Variants in ECE2 observed in about 807,000 individuals in gnomAD.
ECE2 encodes endothelin-converting enzyme 2.
A neutral mutation model predicts 100.6 loss-of-function variants in ECE2; 81 were observed. The observed-to-expected ratio is 0.81, with a 90% CI of 0.67 to 0.97. ECE2 has a LOEUF of 0.97. Among genes scored for constraint, ECE2 ranks in the 50% least tolerant of loss-of-function variants. The pLI, the probability that ECE2 is intolerant of heterozygous loss-of-function variation, is 0.00. For missense variants in ECE2, 911 were observed against 988.1 expected (o/e 0.92, Z 1.05); for synonymous variants, 391 against 391.5 (o/e 1.00, Z 0.02).
At chr3:184,288,024 A>G in intron 11 of ECE2, 77 bp downstream of exon 11, 1 of 1,410,114 alleles carries the variant, frequency 7.1e-7, no homozygotes, top group East Asian at 2.4e-5. Flanking sequence ...TAGAAAAACA[A>G]CGGGAGCCAG....
intron 7 of ECE2, 164 bp downstream of exon 7, chr3:184,278,721 TCCCTTTCTTC>T: frequency 1.5e-6 from 1 of 663,650 alleles, no homozygotes. Context: ...CCTCCCTCCC[TCCCTTTCTTC>T]CCCTTTTCCT....
chr3:184,285,675 TCATG>T, intron 10 of ECE2, 83 bp downstream of exon 10: 1 of 1,039,074 alleles, frequency 9.6e-7, no homozygotes, highest in Non-Finnish European at 1.5e-6. Flanking sequence ...ACCATGTGCC[TCATG>T]GTGCACAGGT....
At position 184,291,758 on chromosome 3, in the gene ECE2, A is replaced by G. The variant is rs1172750166; in HGVS notation, c.2122-304A>G. ...CTCACGCTGTTCCTGTGAGGGAGAC[A>G]TGCAGGAAACGAAAGCTCGGGACGC... is the stretch of plus-strand genomic sequence containing the variant. On this transcript the variant is annotated intron_variant, in intron 18 of 18. Coordinates refer to ENST00000404464, the MANE Select transcript of ECE2 (RefSeq NM_001100121.2). The surrounding 1 kb of genome is among the most constrained non-coding windows in gnomAD (Gnocchi z 4.1). The G allele has an allele frequency of 1.9e-6, 1 of 515,048 alleles. No individual in the cohort carries two copies. Among genetic ancestry groups the G allele is most frequent in the Non-Finnish European group, 3.4e-6 (1 of 290,566 alleles). 31.9% of individuals were successfully genotyped at this position (515,048 alleles called of 1,614,324 possible).
chr3:184,278,476 T>C lies in ECE2; in HGVS notation c.751-16T>C, dbSNP rs1720672515. 1 of 1,613,348 alleles carries C rather than the reference T, an allele frequency of 6.2e-7. No individual in the cohort carries two copies. Among genetic ancestry groups the C allele is most frequent in the Non-Finnish European group, 8.5e-7 (1 of 1,179,682 alleles). On this transcript the variant is annotated splice_polypyrimidine_tract_variant and intron_variant, in intron 6 of 18. Coordinates refer to ENST00000404464, the MANE Select transcript of ECE2 (RefSeq NM_001100121.2). Reference sequence around the variant, plus strand: ...GGGGAAAGCGAGGGGCTCACCTCCTTTCCTTGACATTGCAGGTGGACCAGT... The same window carrying C: ...GGGGAAAGCGAGGGGCTCACCTCCTCTCCTTGACATTGCAGGTGGACCAGT...
At chr3:184,290,762 A>G in intron 15 of ECE2, 31 bp from the exon 16 acceptor site, 1 of 1,613,902 alleles carries the variant, frequency 6.2e-7, no homozygotes, top group Non-Finnish European at 8.5e-7. Context: ...TACCCCCGCC[A>G]TGTCCTCACT....
chr3:184,285,444 C>A, intron 9 of ECE2, 34 bp from the exon 10 acceptor site: 1 of 1,504,950 alleles, frequency 6.6e-7, no homozygotes, highest in South Asian at 1.1e-5. Context: ...GGCATCCCAC[C>A]TGCCCTTTTC....
chr3:184,292,146 G>C lies in ECE2; in HGVS notation c.2206G>C (p.Gly736Arg), dbSNP rs761789060. Residue 736 changes from glycine to arginine, a missense_variant, in exon 19 of 19, where the codon GGC becomes CGC. Gly to Arg is a moderately radical substitution (Grantham distance 125, BLOSUM62 -2). Coordinates refer to ENST00000404464, the MANE Select transcript of ECE2 (RefSeq NM_001100121.2). ...PHSPARFRVL[G>R]TLSNSRDFLR... Reference sequence around the variant, plus strand: ...CAGCCCTGCCCGCTTCCGCGTGCTGGGCACTCTCTCCAACTCCCGTGACTT... The same window carrying C: ...CAGCCCTGCCCGCTTCCGCGTGCTGCGCACTCTCTCCAACTCCCGTGACTT... 7.4e-6 allele frequency: 12 copies of C among 1,613,950 alleles called. No individual in the cohort carries two copies. The highest frequency in any genetic ancestry group is 1.3e-5 in the African/African-American group (1 of 74,930).
intron 6 of ECE2, 85 bp from the exon 7 acceptor site, chr3:184,278,407 C>T (rs1443543836): frequency 1.1e-5 from 17 of 1,585,888 alleles, no homozygotes; most frequent in Admixed American, 1.0e-4. Flanking sequence ...GCTGACCCCC[C>T]GGCCCCACCC....
intron 10 of ECE2, among the ~76,000 whole-genome samples, chr3:184,287,609 C>T (rs949348915): frequency 3.3e-5 from 5 of 152,064 alleles, no homozygotes; most frequent in Non-Finnish European, 5.9e-5. Flanking sequence ...GTGGGAGGAT[C>T]GCTTGAGCCC....
chr3:184,285,374 A>G, intron 9 of ECE2, 104 bp from the exon 10 acceptor site: 1 of 981,840 alleles, frequency 1.0e-6, no homozygotes, highest in South Asian at 1.4e-5. Flanking sequence ...GCTTCCACAT[A>G]TGCCTCTCGG....
Position 184,283,679 on chromosome 3 carries a change from G to C in ECE2, c.817-106G>C, listed in dbSNP as rs1042366557. On this transcript the variant is annotated intron_variant, in intron 7 of 18. Coordinates refer to ENST00000404464, the MANE Select transcript of ECE2 (RefSeq NM_001100121.2). ...AACAGGTCATCCAGAAAGGCTTCCAGAAGGATCAAGCAGAAGAGATATTGG... is the reference window on the plus strand; with the variant it reads ...AACAGGTCATCCAGAAAGGCTTCCACAAGGATCAAGCAGAAGAGATATTGG... The C allele has an allele frequency of 6.7e-6, 8 of 1,200,292 alleles. No homozygotes were observed. In the East Asian group the frequency reaches 2.1e-4, roughly 32 times the overall value. The allele number at this position is 1,200,292 out of a possible 1,614,324, so 74.4% of individuals were successfully genotyped here.
intron 10 of ECE2, among the ~76,000 whole-genome samples, chr3:184,286,596 AG>A (rs944953562): frequency 1.3e-4 from 20 of 151,910 alleles, no homozygotes; most frequent in Admixed American, 2.6e-4. Flanking sequence ...TGAGGTCAGG[AG>A]TTCAAGACCA....
At position 184,278,790 on chromosome 3, in the gene ECE2, G is replaced by A. The variant is rs1720689957; in HGVS notation, c.816+233G>A. ...AGTAGGTTTCATAGACACCTACTGT[G>A]TGCCAGGTCCAGTGGGGGAATTCTG... is the stretch of plus-strand genomic sequence containing the variant. On this transcript the variant is annotated intron_variant, in intron 7 of 18. Coordinates refer to ENST00000404464, the MANE Select transcript of ECE2 (RefSeq NM_001100121.2). 2.7e-5 allele frequency: 15 copies of A among 563,014 alleles called. No homozygotes were observed. In the South Asian group the frequency reaches 3.2e-4, roughly 12 times the overall value. 34.9% of individuals were successfully genotyped at this position (563,014 alleles called of 1,614,324 possible).
chr3:184,291,966 C>A lies in ECE2; in HGVS notation c.2122-96C>A. On this transcript the variant is annotated intron_variant, in intron 18 of 18. Coordinates refer to ENST00000404464, the MANE Select transcript of ECE2 (RefSeq NM_001100121.2). This position sits in a 1 kb window ranked among gnomAD's most constrained non-coding sequence, Gnocchi z 4.1. ...GGAAGGAACTTGGGAGGGGCTGCAG[C>A]GGTGGTGGTTTGTGCCCCTGGGATG... The A allele has an allele frequency of 1.4e-6, 2 of 1,401,888 alleles. No individual in the cohort carries two copies. The highest frequency in any genetic ancestry group is 1.4e-5 in the African/African-American group (1 of 70,018). The allele number at this position is 1,401,888 out of a possible 1,614,324, so 86.8% of individuals were successfully genotyped here. A position where few individuals can be genotyped will look rare whatever the true frequency, so the allele number is the denominator to read the frequency against.
At chr3:184,279,446 A>G (rs1311812670) in intron 7 of ECE2, among the ~76,000 whole-genome samples, 1 of 151,978 alleles carries the variant, frequency 6.6e-6, no homozygotes, top group Non-Finnish European at 1.5e-5. Context: ...ACTTGAGGTT[A>G]GGAGTTCAAG....
Position 184,291,526 on chromosome 3 carries a change from C to A in ECE2, c.2121+87C>A. On this transcript the variant is annotated intron_variant, in intron 18 of 18. Coordinates refer to ENST00000404464, the MANE Select transcript of ECE2 (RefSeq NM_001100121.2). The surrounding 1 kb of genome is among the most constrained non-coding windows in gnomAD (Gnocchi z 4.1). ...ATTAGGAGAACTCTGGGGCACGTGT[C>A]AAACGGGCTGGTGAATGGGGCTGAG... is the stretch of plus-strand genomic sequence containing the variant. The A allele has an allele frequency of 2.4e-6, 3 of 1,262,560 alleles. No homozygotes were observed. The highest frequency in any genetic ancestry group is 3.4e-5 in the South Asian group (2 of 59,428). The allele number at this position is 1,262,560 out of a possible 1,614,324, so 78.2% of individuals were successfully genotyped here.
At chr3:184,276,860 T>TC (rs776822312) in intron 2 of ECE2, 32 bp from the exon 3 acceptor site, 42 of 1,610,472 alleles carry the variant, frequency 2.6e-5, no homozygotes, top group Non-Finnish European at 3.5e-5. Flanking sequence ...GCCCTGCATC[T>TC]CAGTCACTCT....
rs1275992554 is a variant in ECE2 at position 184,290,374 on chromosome 3, T to G, written c.1655+16T>G. ...GCCGAGACCAGTGAGAATGACGGGG[T>G]GGACATAGACACTAGGGGTGGCAGG... On this transcript the variant is annotated intron_variant, in intron 14 of 18. Transcript: ENST00000404464. 1 of 1,606,066 alleles carries G rather than the reference T, an allele frequency of 6.2e-7. No homozygotes were observed. The highest frequency in any genetic ancestry group is 8.5e-7 in the Non-Finnish European group (1 of 1,175,972).
chr3:184,283,561 C>CAA (rs35761542), intron 7 of ECE2, among the ~76,000 whole-genome samples: 24 of 53,104 alleles, frequency 4.5e-4, no homozygotes, highest in Admixed American at 8.9e-4. Flanking sequence ...GACTCCATCT[C>CAA]AAAAAAAAAA....
Sources: gnomAD v4.1 joint callset for allele counts (sites outside exome capture counted in the v4.1 genomes callset) on GRCh38, gnomAD v4.1.1 for gene constraint, Gnocchi (gnomAD v3.1) non-coding constraint, MANE v1.5 for transcripts, NCBI Gene and HGNC (gene_info 2026-07-23, HGNC 2026-07-21) for gene names.